RNF150: variants seen among roughly 807,000 people sequenced by gnomAD.
The protein encoded by RNF150 is ring finger protein 150.
Under a neutral mutation model 39.3 loss-of-function variants are expected in RNF150, and 24 were observed. The observed-to-expected ratio is 0.61, with a 90% CI of 0.44 to 0.86. RNF150 has a LOEUF of 0.86. Ranked by LOEUF, RNF150 falls within the 40% of genes least tolerant of loss-of-function variation. The pLI is 0.00. For missense variants in RNF150, 502 were observed against 587.8 expected, an observed-to-expected ratio of 0.85 and a Z score of 1.51; for synonymous variants, 255 against 227.3, an observed-to-expected ratio of 1.12 and a Z score of -1.10.
At chr4:140,869,179 ATTAC>A (rs1050116981) in intron 6 of RNF150, among the ~76,000 whole-genome samples, 33 of 152,338 alleles carry the variant, frequency 2.2e-4, no homozygotes, top group African/African-American at 7.9e-4. Flanking sequence ...GAATAAACCT[ATTAC>A]TTCTAAAGGA....
At chr4:140,935,498 T>A (rs75539234) in intron 4 of RNF150, among the ~76,000 whole-genome samples, 5,785 of 152,254 alleles carry the variant, frequency 0.038, 252 homozygotes, top group African/African-American at 0.1. Context: ...ACGAGGTTAT[T>A]ACAGTGCAAG....
chr4:141,070,409 C>A (rs1737645818), intron 1 of RNF150, among the ~76,000 whole-genome samples: 2 of 148,116 alleles, frequency 1.4e-5, no homozygotes, highest in Non-Finnish European at 3.0e-5. Context: ...AGAGCTTCTG[C>A]ACAGCAAAAG....
At chr4:140,925,933 C>T (rs774324464) in intron 5 of RNF150, 44 bp downstream of exon 5, 1 of 1,380,362 alleles carries the variant, frequency 7.2e-7, no homozygotes. Context: ...GAGGGCAACG[C>T]AGAAAGACAG....
upstream of RNF150, among the ~76,000 whole-genome samples, chr4:141,136,127 C>A (rs1009747757): frequency 2.0e-5 from 3 of 152,146 alleles, no homozygotes; most frequent in African/African-American, 7.2e-5. Context: ...CAATTACGTA[C>A]AATAAATATC....
intron 6 of RNF150, among the ~76,000 whole-genome samples, chr4:140,885,500 G>A (rs1405448701): frequency 2.1e-5 from 3 of 146,194 alleles, no homozygotes; most frequent in African/African-American, 7.7e-5. Context: ...GCAGTGGTGC[G>A]ATCTCGGCTC....
intron 1 of RNF150, among the ~76,000 whole-genome samples, chr4:141,086,027 TACACACACACACACACACAC>T (rs10527153): frequency 7.1e-6 from 1 of 140,010 alleles, no homozygotes. Flanking sequence ...TGAGAAGAGT[TACACACACACACACACACAC>T]ACACACACAC....
intron 1 of RNF150, among the ~76,000 whole-genome samples, chr4:141,107,258 C>G (rs1164965631): frequency 6.6e-6 from 1 of 152,144 alleles, no homozygotes; most frequent in East Asian, 1.9e-4. Context: ...TATTGCTTTG[C>G]TTTATTAGCA....
At chr4:141,183,854 G>A (rs1024829883) in intron 1 of RNF150, among the ~76,000 whole-genome samples, 5 of 151,942 alleles carry the variant, frequency 3.3e-5, no homozygotes, top group African/African-American at 7.3e-5. Context: ...TTTTTATACC[G>A]GCAGAGTATT....
At chr4:140,937,421 C>T (rs1049920496) in intron 4 of RNF150, among the ~76,000 whole-genome samples, 1 of 152,048 alleles carries the variant, frequency 6.6e-6, no homozygotes, top group Non-Finnish European at 1.5e-5. Context: ...GCACAACGCC[C>T]ATCTAATTTT....
chr4:140,877,032 G>A (rs1412484418), intron 6 of RNF150, among the ~76,000 whole-genome samples: 3 of 152,234 alleles, frequency 2.0e-5, no homozygotes, highest in African/African-American at 7.2e-5. Flanking sequence ...AGAATTCCCT[G>A]TATATTAAAT....
chr4:141,125,305 T>G (rs28628800), intron 1 of RNF150, among the ~76,000 whole-genome samples: 8,156 of 151,770 alleles, frequency 0.054, 652 homozygotes, highest in African/African-American at 0.17. Context: ...AAATTGCAAC[T>G]TAGTAGAAGA....
chr4:140,971,629 C>T (rs1471357156), intron 1 of RNF150, among the ~76,000 whole-genome samples: 2 of 152,122 alleles, frequency 1.3e-5, no homozygotes, highest in Admixed American at 1.3e-4. Context: ...TATGACCTGG[C>T]TGCCAGACGA....
intron 5 of RNF150, among the ~76,000 whole-genome samples, chr4:140,923,790 C>A (rs971391461): frequency 1.3e-5 from 2 of 152,102 alleles, no homozygotes; most frequent in African/African-American, 2.4e-5. Context: ...ACTATGCAGC[C>A]ATAAAAAATG....
intron 1 of RNF150, among the ~76,000 whole-genome samples, chr4:141,194,275 TA>T (rs1254838219): frequency 1.3e-5 from 2 of 152,228 alleles, no homozygotes; most frequent in African/African-American, 4.8e-5. Flanking sequence ...GAAAGATAGC[TA>T]AAGTATTCTG....
chr4:141,185,214 G>A (rs1422366215), intron 1 of RNF150, among the ~76,000 whole-genome samples: 1 of 152,048 alleles, frequency 6.6e-6, no homozygotes. Context: ...TTGAGCAGTG[G>A]TTTGCAGTTT....
At chr4:141,163,560 C>T (rs999002356) in intron 1 of RNF150, among the ~76,000 whole-genome samples, 2 of 152,204 alleles carry the variant, frequency 1.3e-5, no homozygotes, top group African/African-American at 4.8e-5. Context: ...AAAGCTCCAG[C>T]TGGCATCTGG....
At chr4:140,883,477 C>A (rs528028026) in intron 6 of RNF150, among the ~76,000 whole-genome samples, 22 of 152,208 alleles carry the variant, frequency 1.4e-4, no homozygotes, top group Non-Finnish European at 3.1e-4. Flanking sequence ...ATGACAAACT[C>A]TCTCAGCTTT....
At chr4:140,998,336 G>C (rs927229659) in intron 1 of RNF150, among the ~76,000 whole-genome samples, 3 of 151,304 alleles carry the variant, frequency 2.0e-5, no homozygotes, top group Admixed American at 6.6e-5. Flanking sequence ...AAAAGGACTG[G>C]TGGCCTTCTA....
chr4:141,054,613 T>G (rs1426654971), intron 1 of RNF150, among the ~76,000 whole-genome samples: 1 of 152,086 alleles, frequency 6.6e-6, no homozygotes, highest in Middle Eastern at 3.2e-3. Flanking sequence ...AGAGTAAAAC[T>G]GAATGTCAAG....
Sources: gnomAD v4.1 joint callset for allele counts (sites outside exome capture counted in the v4.1 genomes callset) on GRCh38, gnomAD v4.1.1 for gene constraint, MANE v1.5 for transcripts, NCBI Gene and HGNC (gene_info 2026-07-23, HGNC 2026-07-21) for gene names.